HMCN1: variants seen among roughly 807,000 people sequenced by gnomAD.
The protein encoded by HMCN1 is hemicentin 1.
In HMCN1, 321 loss-of-function variants were observed where a neutral mutation model predicts 625.9. The ratio of observed to expected loss-of-function variants is 0.51; its 90% CI spans 0.47 to 0.56. The LOEUF (loss-of-function observed/expected upper bound fraction) is 0.56. Among genes scored for constraint, HMCN1 ranks in the 20% least tolerant of loss-of-function variants. HMCN1 has a pLI of 0.00. For missense variants in HMCN1, 6,588 were observed against 6,887.3 expected (o/e 0.96, Z 1.54); for synonymous variants, 2,425 against 2,417.6 (o/e 1.00, Z -0.09).
At position 186,023,145 on chromosome 1, in the gene HMCN1, A is replaced by C; in HGVS notation, c.5741A>C (p.His1914Pro). The part of the protein sequence containing the change: ...AGETQQHIQL[H>P]VHEPPSLEDA... Reference sequence around the variant, plus strand: ...GAAACACAACAGCACATTCAACTGCATGTTCATGGTAATGTAATTTCTACA... The same window carrying C: ...GAAACACAACAGCACATTCAACTGCCTGTTCATGGTAATGTAATTTCTACA... Residue 1914 changes from histidine (H) to proline (P), a missense_variant, in exon 36 of 107, where the codon CAT becomes CCT. His to Pro is a moderately conservative substitution (Grantham distance 77). Around this residue, in one of 3 missense-constraint regions of HMCN1, gnomAD observed 4,628 missense variants for 4,853.1 expected, o/e 0.95. Coordinates refer to ENST00000271588, the MANE Select transcript of HMCN1 (RefSeq NM_031935.3). 1.2e-6 allele frequency: 2 copies of C among 1,613,002 alleles called. No homozygotes were observed. The highest frequency in any genetic ancestry group is 1.7e-6 in the Non-Finnish European group (2 of 1,179,178).
intron 55 of HMCN1, among the ~76,000 whole-genome samples, chr1:186,078,709 G>T (rs150512784): frequency 1.3e-5 from 2 of 152,140 alleles, no homozygotes; most frequent in East Asian, 3.9e-4. Flanking sequence ...TTGAATTTCC[G>T]TGGTTTTAAT....
chr1:185,985,621 A>G (rs1290481150), intron 19 of HMCN1, among the ~76,000 whole-genome samples: 2 of 152,220 alleles, frequency 1.3e-5, no homozygotes, highest in Admixed American at 1.3e-4. Flanking sequence ...TCATTTGTCC[A>G]TTTTAGTCCA....
chr1:185,915,796 C>T lies in HMCN1; in HGVS notation c.900+4016C>T, dbSNP rs1365587675. Among the ~76,000 whole-genome samples, 4 of 152,040 alleles carry T rather than the reference C, an allele frequency of 2.6e-5. No homozygotes were observed. In the East Asian group the frequency reaches 7.7e-4, roughly 29 times the overall value. The stretch of plus-strand genomic sequence containing the variant: ...AGGACCACACATGAAGATTATTATG[C>T]TGGCCTCCTATTAGTCTTTCCTGGT... On this transcript the variant is annotated intron_variant, in intron 6 of 106. Transcript: ENST00000271588.
Position 186,016,103 on chromosome 1 carries a change from T to C in HMCN1, c.5055T>C (p.Asn1685=). The change falls in exon 32 of 107, where the codon AAT becomes AAC. Residue 1685 remains asparagine, a synonymous_variant. Coordinates refer to ENST00000271588, the MANE Select transcript of HMCN1 (RefSeq NM_031935.3). Reference sequence around the variant, plus strand: ...AAGATGGTGTACCTGTGAAAGCTAATGACAATATCCGCATAGAAGCTGGTG... The same window carrying C: ...AAGATGGTGTACCTGTGAAAGCTAACGACAATATCCGCATAGAAGCTGGTG... ...WLKDGVPVKA[N]DNIRIEAGGK... The C allele has an allele frequency of 6.2e-7, 1 of 1,613,534 alleles. No homozygotes were observed. The highest frequency in any genetic ancestry group is 1.1e-5 in the South Asian group (1 of 91,076).
At chr1:185,917,581 A>T (rs1162441072) in intron 6 of HMCN1, among the ~76,000 whole-genome samples, 1 of 152,176 alleles carries the variant, frequency 6.6e-6, no homozygotes, top group Non-Finnish European at 1.5e-5. Flanking sequence ...GGTCTGAGGA[A>T]TATCTAAGAA....
At chr1:185,932,173 AT>A (rs1667583910) in intron 10 of HMCN1, among the ~76,000 whole-genome samples, 1 of 152,300 alleles carries the variant, frequency 6.6e-6, no homozygotes, top group African/African-American at 2.4e-5. Flanking sequence ...TTCACTAGCT[AT>A]TTTCATAAGA....
At chr1:186,141,981 C>A (rs563758009) in intron 89 of HMCN1, among the ~76,000 whole-genome samples, 75 of 152,244 alleles carry the variant, frequency 4.9e-4, no homozygotes, top group African/African-American at 1.8e-3. Flanking sequence ...ACCTACTAAT[C>A]CCTCTGTAGT....
rs1266081032 is a variant in HMCN1 at position 186,088,822 on chromosome 1, T to C, written c.9727+67T>C. The C allele has an allele frequency of 3.0e-5, 43 of 1,453,652 alleles. No individual in the cohort carries two copies. In the East Asian group the frequency reaches 1.0e-3, roughly 34 times the overall value. 90.0% of individuals were successfully genotyped at this position (1,453,652 alleles called of 1,614,324 possible). A position where few individuals can be genotyped will look rare whatever the true frequency, so the allele number is the denominator to read the frequency against. ...ATTCCATTTATAGTACAAAATAATC[T>C]ACATTTAAAGGTATCAGTAGTAATT... On this transcript the variant is annotated intron_variant, in intron 63 of 106. Transcript: ENST00000271588.
intron 1 of HMCN1, among the ~76,000 whole-genome samples, chr1:185,738,689 G>T (rs1265094098): frequency 6.6e-6 from 1 of 152,076 alleles, no homozygotes; most frequent in African/African-American, 2.4e-5. Context: ...CTGTGTGAGG[G>T]TTCCGATTTC....
intron 4 of HMCN1, among the ~76,000 whole-genome samples, chr1:185,881,319 A>C (rs1032425826): frequency 5.3e-5 from 8 of 152,182 alleles, no homozygotes; most frequent in African/African-American, 1.9e-4. Context: ...GGAGCAGAAA[A>C]GGGGATGGAG....
Position 186,055,392 on chromosome 1 carries a change from G to A in HMCN1, c.6863-1G>A. On this transcript the variant is annotated splice_acceptor_variant, in intron 44 of 106. Coordinates refer to ENST00000271588, the MANE Select transcript of HMCN1 (RefSeq NM_031935.3). LOFTEE classifies it high-confidence loss of function. ...TCTTTTTATCTTCCTCCAACCCTCA[G>A]TTAGACCAACCATAACCAACAGTGG... 1 of 1,612,240 alleles carries A rather than the reference G, an allele frequency of 6.2e-7. No homozygotes were observed.
At chr1:185,829,893 G>GAGAAAT (rs781554178) in intron 1 of HMCN1, among the ~76,000 whole-genome samples, 6 of 152,084 alleles carry the variant, frequency 3.9e-5, no homozygotes, top group Non-Finnish European at 8.8e-5. Context: ...TTTCTCCACA[G>GAGAAAT]CCTTGCCAGA....
intron 19 of HMCN1, among the ~76,000 whole-genome samples, chr1:185,985,805 T>C (rs1651964201): frequency 6.6e-6 from 1 of 152,188 alleles, no homozygotes; most frequent in Non-Finnish European, 1.5e-5. Context: ...TCTCCATTTT[T>C]AAGAATACTC....
chr1:185,795,486 C>T (rs1318686486), intron 1 of HMCN1, among the ~76,000 whole-genome samples: 1 of 152,198 alleles, frequency 6.6e-6, no homozygotes, highest in Non-Finnish European at 1.5e-5. Context: ...TTGGTGCCCT[C>T]ATGCCAAGGA....
At position 185,922,457 on chromosome 1, in the gene HMCN1, C is replaced by T; in HGVS notation, c.979C>T (p.Pro327Ser). The T allele has an allele frequency of 1.2e-6, 2 of 1,613,644 alleles. No individual in the cohort carries two copies. The highest frequency in any genetic ancestry group is 2.2e-5 in the South Asian group (2 of 91,048). The change falls in exon 7 of 107, where the codon CCC (proline) becomes TCC (serine). Residue 327 changes from proline to serine, a missense_variant. Coordinates refer to ENST00000271588, the MANE Select transcript of HMCN1 (RefSeq NM_031935.3). Reference sequence around the variant, plus strand: ...TTTCCGAGCTGGCTTTTCTCGAAAGCCCACCCTGGACTTCAAAAAAACAGT... The same window carrying T: ...TTTCCGAGCTGGCTTTTCTCGAAAGTCCACCCTGGACTTCAAAAAAACAGT... ...IDFRAGFSRK[P>S]TLDFKKTVSR...
In HMCN1 at chr1:186,128,407, G is replaced by T. The variant is rs74136042; in HGVS notation, c.12904+116G>T. ...GTAACAAGAATTGATTGCTTTAAAT[G>T]CTGTAAAATGTGTGCCTCTGCTTGG... On this transcript the variant is annotated intron_variant, in intron 83 of 106. Transcript: ENST00000271588. 6,920 of 823,476 alleles carry T rather than the reference G, an allele frequency of 8.4e-3. 136 individuals carry two copies. Among genetic ancestry groups the T allele is most frequent in the African/African-American group, 0.053 (3,135 of 58,872 alleles). 51.0% of individuals were successfully genotyped at this position (823,476 alleles called of 1,614,324 possible). A position where few individuals can be genotyped will look rare whatever the true frequency, so the allele number is the denominator to read the frequency against.
rs145892255 is a variant in HMCN1 at position 185,745,756 on chromosome 1, A to G, written c.268+10709A>G. Among the ~76,000 whole-genome samples, 460 of 152,270 alleles carry G rather than the reference A, an allele frequency of 3.0e-3. 4 individuals are homozygous for G. The highest frequency in any genetic ancestry group is 0.011 in the African/African-American group (439 of 41,568). ...GTCTGTCTCCAGGTATCACTCCTCA[A>G]CATTTCCAACTGTCAGTGTTAGTAT... On this transcript the variant is annotated intron_variant, in intron 1 of 106. Coordinates refer to ENST00000271588, the MANE Select transcript of HMCN1 (RefSeq NM_031935.3).
chr1:185,910,903 C>T (rs1398453155), intron 5 of HMCN1, among the ~76,000 whole-genome samples: 6 of 152,028 alleles, frequency 3.9e-5, no homozygotes, highest in South Asian at 4.1e-4. Context: ...AGAAGTAGTC[C>T]ATGGGAAAGT....
chr1:185,752,576 A>G (rs1189962951), intron 1 of HMCN1, among the ~76,000 whole-genome samples: 9 of 152,144 alleles, frequency 5.9e-5, no homozygotes, highest in African/African-American at 2.2e-4. Flanking sequence ...AGTGTCTTGC[A>G]TGTGAACTTA....
Sources: gnomAD v4.1 joint callset for allele counts (sites outside exome capture counted in the v4.1 genomes callset) on GRCh38, gnomAD v4.1.1 for gene constraint, gnomAD v4.1.1 regional missense constraint, MANE v1.5 for transcripts, NCBI Gene and HGNC (gene_info 2026-07-23, HGNC 2026-07-21) for gene names.